Variants in DPYS observed in about 807,000 individuals in gnomAD.
DPYS encodes dihydropyrimidinase, also known as dihydropyrimidine amidohydrolase.
In DPYS, 39 loss-of-function variants were observed where a neutral mutation model predicts 50.3. The observed-to-expected ratio is 0.78, with a 90% CI of 0.60 to 1.01. DPYS has a LOEUF of 1.01. Among genes scored for constraint, DPYS ranks in the 50% least tolerant of loss-of-function variants. The pLI is 0.00. For missense variants in DPYS, 659 were observed against 680.9 expected (o/e 0.97, Z 0.36); for synonymous variants, 245 against 250.7 (o/e 0.98, Z 0.22).
Position 104,444,312 on chromosome 8 carries a change from A to G in DPYS, c.729T>C (p.Pro243=). The change falls in exon 4 of 10, where the codon CCT becomes CCC. Residue 243 remains proline, a synonymous_variant. Coordinates refer to ENST00000351513, the MANE Select transcript of DPYS (RefSeq NM_001385.3). The part of the protein sequence containing the change: ...AITIASAVNC[P]LYIVHVMSKS... ...TGCTCATCACATGCACAATGTAGAGAGGACAGTTCACAGCGCTGGCTATGG... is the reference window on the plus strand; with the variant it reads ...TGCTCATCACATGCACAATGTAGAGGGGACAGTTCACAGCGCTGGCTATGG... The G allele has an allele frequency of 6.2e-7, 1 of 1,614,248 alleles. No individual in the cohort carries two copies. The highest frequency in any genetic ancestry group is 2.2e-5 in the East Asian group (1 of 44,888).
chr8:104,421,799 AT>A (rs1430003569), intron 7 of DPYS, among the ~76,000 whole-genome samples: 2 of 152,248 alleles, frequency 1.3e-5, no homozygotes, highest in African/African-American at 2.4e-5. Context: ...TTTAAAAAAA[AT>A]CTACACATCT....
rs763407920 is a variant in DPYS at position 104,429,542 on chromosome 8, T to C, written c.950+3A>G. 9 of 1,613,914 alleles carry C rather than the reference T, an allele frequency of 5.6e-6. No homozygotes were observed. In the African/African-American group the frequency reaches 1.1e-4, roughly 19 times the overall value. ...ACTTCCCAGTCATCTGCAAAATGAT[T>C]ACTTAGCCAACAGATTCATGAGGAA... On this transcript the variant is annotated splice_donor_region_variant and intron_variant, in intron 5 of 9. Coordinates refer to ENST00000351513, the MANE Select transcript of DPYS (RefSeq NM_001385.3).
intron 3 of DPYS, among the ~76,000 whole-genome samples, chr8:104,445,705 A>C (rs781711970): frequency 6.6e-6 from 1 of 152,150 alleles, no homozygotes; most frequent in Non-Finnish European, 1.5e-5. Context: ...AGAAAGAATG[A>C]ATAAGATCTA....
intron 7 of DPYS, among the ~76,000 whole-genome samples, chr8:104,398,969 T>A (rs1811685724): frequency 6.6e-6 from 1 of 152,112 alleles, no homozygotes; most frequent in African/African-American, 2.4e-5. Flanking sequence ...GGCCATGCTT[T>A]GAAGGCTGGG....
At chr8:104,457,824 A>G (rs993636345) in intron 1 of DPYS, among the ~76,000 whole-genome samples, 1 of 152,162 alleles carries the variant, frequency 6.6e-6, no homozygotes, top group Non-Finnish European at 1.5e-5. Context: ...AGTTTGGAAT[A>G]TTAATCACAC....
intron 1 of DPYS, among the ~76,000 whole-genome samples, chr8:104,464,409 T>C (rs1392025269): frequency 1.3e-5 from 2 of 152,178 alleles, no homozygotes; most frequent in African/African-American, 2.4e-5. Flanking sequence ...CCACTTCCTC[T>C]TCTTTGCTGC....
At chr8:104,392,647 T>A (rs2140520282) in intron 8 of DPYS, 137 bp downstream of exon 8, 1 of 1,081,486 alleles carries the variant, frequency 9.2e-7, no homozygotes, top group East Asian at 2.4e-5. Flanking sequence ...TAATCTCTCA[T>A]ATCAATCCTG....
chr8:104,444,253 C>G lies in DPYS; in HGVS notation c.788G>C (p.Arg263Thr), dbSNP rs772342974. The change falls in exon 4 of 10, where the codon AGA (arginine) becomes ACA (threonine). Residue 263 changes from arginine (R) to threonine (T), a missense_variant. Arg to Thr is a moderately conservative substitution (Grantham distance 71, BLOSUM62 -1). Coordinates refer to ENST00000351513, the MANE Select transcript of DPYS (RefSeq NM_001385.3). ...SAAKVIADAR[R>T]DGKVVYGEPI... ...AGGTTACATTCGAGAATTACCATCT[C>G]TCCTTGCATCCGCTATCACCTTAGC... is the stretch of plus-strand genomic sequence containing the variant. The G allele has an allele frequency of 6.2e-7, 1 of 1,614,230 alleles. No homozygotes were observed. Among genetic ancestry groups the G allele is most frequent in the Non-Finnish European group, 8.5e-7 (1 of 1,180,052 alleles).
chr8:104,428,217 C>T (rs185958307), intron 5 of DPYS, 96 bp from the exon 6 acceptor site: 1 of 1,534,220 alleles, frequency 6.5e-7, no homozygotes, highest in East Asian at 2.3e-5. Flanking sequence ...GCTCCCTTCT[C>T]AATTGAAGTC....
intron 5 of DPYS, among the ~76,000 whole-genome samples, chr8:104,428,444 C>T (rs1372252942): frequency 1.3e-5 from 2 of 152,228 alleles, no homozygotes; most frequent in African/African-American, 4.8e-5. Flanking sequence ...TGAATAGTCA[C>T]ATGTACTTGA....
At chr8:104,414,488 A>G (rs960148063) in intron 7 of DPYS, among the ~76,000 whole-genome samples, 1 of 152,024 alleles carries the variant, frequency 6.6e-6, no homozygotes, top group Non-Finnish European at 1.5e-5. Flanking sequence ...ATGCTTTGAG[A>G]ACCTCTGCTC....
At position 104,433,776 on chromosome 8, in the gene DPYS, G is replaced by A. The variant is rs145516454; in HGVS notation, c.794-4075C>T. Among the ~76,000 whole-genome samples, 425 of 152,262 alleles carry A rather than the reference G, an allele frequency of 2.8e-3. 2 individuals are homozygous for A. Among genetic ancestry groups the A allele is most frequent in the Middle Eastern group, 0.017 (5 of 294 alleles). On this transcript the variant is annotated intron_variant, in intron 4 of 9. Coordinates refer to ENST00000351513, the MANE Select transcript of DPYS (RefSeq NM_001385.3). The stretch of plus-strand genomic sequence containing the variant: ...ATTTGGTGTATTCTTGTTCAACATT[G>A]CCAAGCAGCACTCAGCGTGACTACT...
At chr8:104,380,028 T>G (rs1012529731) in intron 9 of DPYS, among the ~76,000 whole-genome samples, 185 bp from the exon 10 acceptor site, 1 of 152,200 alleles carries the variant, frequency 6.6e-6, no homozygotes, top group Non-Finnish European at 1.5e-5. Flanking sequence ...TCCCTGAATT[T>G]TTAACAAAAT....
At position 104,451,296 on chromosome 8, in the gene DPYS, C is replaced by T. The variant is rs866697467; in HGVS notation, c.373G>A (p.Val125Ile). 6.2e-7 allele frequency: 1 copy of T among 1,614,174 alleles called. No homozygotes were observed. Among genetic ancestry groups the T allele is most frequent in the Non-Finnish European group, 8.5e-7 (1 of 1,180,034 alleles). ...ACATGAAGGCTGTAGTCGCAGCAAA[C>T]TTTGGGATCAGCCCAGCTTCGCCAG... Reference protein sequence around the residue: ...ETWRSWADPKVCCDYSLHVAV... With the variant: ...ETWRSWADPKICCDYSLHVAV... Residue 125 changes from valine to isoleucine, a missense_variant, in exon 2 of 10, where the codon GTT (valine) becomes ATT (isoleucine). Val to Ile is a conservative substitution (Grantham distance 29, BLOSUM62 3). Coordinates refer to ENST00000351513, the MANE Select transcript of DPYS (RefSeq NM_001385.3).
intron 4 of DPYS, 145 bp downstream of exon 4, chr8:104,444,103 G>T: frequency 2.3e-6 from 2 of 874,046 alleles, no homozygotes; most frequent in Non-Finnish European, 3.7e-6. Context: ...AAGGATAAAT[G>T]AAACCAGGAG....
intron 4 of DPYS, among the ~76,000 whole-genome samples, chr8:104,431,051 C>A (rs1346742667): frequency 6.6e-6 from 1 of 152,174 alleles, no homozygotes; most frequent in Non-Finnish European, 1.5e-5. Flanking sequence ...TATGAAGAGA[C>A]CTTCCTATTC....
chr8:104,449,162 T>C (rs1244491680), intron 2 of DPYS, among the ~76,000 whole-genome samples: 1 of 152,216 alleles, frequency 6.6e-6, no homozygotes, highest in African/African-American at 2.4e-5. Context: ...CATGGGACAG[T>C]GCACCTCATT....
chr8:104,418,184 A>G (rs1812429362), intron 7 of DPYS, among the ~76,000 whole-genome samples: 1 of 152,226 alleles, frequency 6.6e-6, no homozygotes, highest in African/African-American at 2.4e-5. Flanking sequence ...GGCTGGAGCC[A>G]GCCTAGCTCA....
At chr8:104,392,301 T>C (rs1811414556) in intron 8 of DPYS, among the ~76,000 whole-genome samples, 1 of 152,148 alleles carries the variant, frequency 6.6e-6, no homozygotes, top group South Asian at 2.1e-4. Context: ...CCTGACGGCC[T>C]TTTTCAGCCT....
Sources: allele counts gnomAD v4.1 joint callset (sites outside exome capture counted in the v4.1 genomes callset), GRCh38; gene constraint gnomAD v4.1.1; transcripts MANE v1.5; gene names NCBI Gene and HGNC (gene_info 2026-07-23, HGNC 2026-07-21).